ZP2: variants seen among roughly 807,000 people sequenced by gnomAD.
ZP2 encodes zona pellucida sperm-binding protein 2.
Under a neutral mutation model 84.0 loss-of-function variants are expected in ZP2, and 51 were observed. The ratio of observed to expected loss-of-function variants is 0.61; its 90% CI spans 0.49 to 0.77. The LOEUF (loss-of-function observed/expected upper bound fraction) is 0.77. ZP2 is among the 30% of genes least tolerant of loss of function. The probability of loss-of-function intolerance (pLI) is 0.00; values close to 1 mark genes in which losing one functional copy is unlikely to be tolerated. For synonymous variants in ZP2, 375 were observed against 330.9 expected (o/e 1.13, Z -1.45); for missense variants, 909 against 911.9 (o/e 1.00, Z 0.04).
Position 21,204,960 on chromosome 16 carries a change from A to G in ZP2, c.693+460T>C, listed in dbSNP as rs556953030. Among the ~76,000 whole-genome samples the G allele has an allele frequency of 2.0e-5, 3 of 152,316 alleles. No homozygotes were observed. The East Asian group carries it at 5.8e-4, about 29-fold the overall frequency. ...TGTGTTGTACTATAGATTTAAGACT[A>G]TGGGAAAGAGACTAGATTGAGGTAA... On this transcript the variant is annotated intron_variant, in intron 7 of 18. Coordinates refer to ENST00000574091, the MANE Select transcript of ZP2 (RefSeq NM_001376232.1).
In ZP2 at chr16:21,209,720, G is replaced by A; in HGVS notation, c.241C>T (p.Leu81Phe). 6.2e-7 allele frequency: 1 copy of A among 1,614,168 alleles called. No homozygotes were observed. The highest frequency in any genetic ancestry group is 2.2e-5 in the East Asian group (1 of 44,882). Residue 81 changes from leucine (L) to phenylalanine (F), a missense_variant, in exon 4 of 19, where the codon CTT (leucine) becomes TTT (phenylalanine). By Grantham distance (22) the Leu-to-Phe change is conservative (BLOSUM62 0). Coordinates refer to ENST00000574091, the MANE Select transcript of ZP2 (RefSeq NM_001376232.1). ...KKWHASVVDP[L>F]GLDMPNCTYI... ...GTGCAGTTCGGCATGTCGAGACCAA[G>A]AGGATCTGCCAAGGCCAGAGCAGGT... is the stretch of plus-strand genomic sequence containing the variant.
rs2093217523 is a variant in ZP2, at chr16:21,199,882, G to A, written c.1695-4C>T. 6.2e-7 allele frequency: 1 copy of A among 1,612,200 alleles called. No individual in the cohort carries two copies. ...GTTGTCCAGGTCATATGCACAGCTA[G>A]GAGGTATGCACCAGGGAGGGATGTC... On this transcript the variant is annotated splice_polypyrimidine_tract_variant and splice_region_variant and intron_variant, in intron 14 of 18. Coordinates refer to ENST00000574091, the MANE Select transcript of ZP2 (RefSeq NM_001376232.1).
At chr16:21,211,460 C>CT in intron 1 of ZP2, 26 bp downstream of exon 1, 1 of 1,614,048 alleles carries the variant, frequency 6.2e-7, no homozygotes, top group Non-Finnish European at 8.5e-7. Flanking sequence ...ACCATACCCC[C>CT]TCCCTCCACT....
intron 14 of ZP2, 107 bp downstream of exon 14, chr16:21,201,262 G>T: frequency 2.0e-6 from 2 of 994,194 alleles, no homozygotes; most frequent in Non-Finnish European, 2.8e-6. Context: ...ACTAAATCTG[G>T]ATCTCACATG....
At chr16:21,197,735 T>C in intron 18 of ZP2, 31 bp downstream of exon 18, 1 of 1,613,858 alleles carries the variant, frequency 6.2e-7, no homozygotes, top group African/African-American at 1.3e-5. Context: ...ACAGGCTTAT[T>C]TCAGAAGTTT....
chr16:21,206,686 G>T (rs1342721521), intron 5 of ZP2, 152 bp downstream of exon 5: 2 of 1,017,084 alleles, frequency 2.0e-6, no homozygotes, highest in African/African-American at 1.6e-5. Context: ...TGGAAACAAA[G>T]CCTCAGGGTA....
upstream of ZP2, chr16:21,214,110 G>A (rs2093283854): frequency 4.1e-6 from 2 of 485,262 alleles, no homozygotes; most frequent in Non-Finnish European, 2.7e-6. Context: ...CCAAATTTGG[G>A]GTTTCTAAAA....
At chr16:21,207,403 A>G (rs1030016771) in intron 4 of ZP2, among the ~76,000 whole-genome samples, 6 of 152,166 alleles carry the variant, frequency 3.9e-5, no homozygotes, top group Non-Finnish European at 8.8e-5. Flanking sequence ...GGGGTCAGCC[A>G]ACCTTTTTCC....
chr16:21,203,164 T>C lies in ZP2; in HGVS notation c.1060A>G (p.Ile354Val). Reference protein sequence around the residue: ...LLRPETVSMVIYPECLCESPV... With the variant: ...LLRPETVSMVVYPECLCESPV... ...GACTCACAGAGACACTCAGGATAGA[T>C]CACCATGGATACTGTCTCTGGCCGA... is the stretch of plus-strand genomic sequence containing the variant. The change falls in exon 10 of 19, where the codon ATC becomes GTC. Residue 354 changes from isoleucine (I) to valine (V), a missense_variant. Ile to Val is a conservative substitution (Grantham distance 29, BLOSUM62 3). Coordinates refer to ENST00000574091, the MANE Select transcript of ZP2 (RefSeq NM_001376232.1). 1 of 1,613,876 alleles carries C rather than the reference T, an allele frequency of 6.2e-7. No individual in the cohort carries two copies. Among genetic ancestry groups the C allele is most frequent in the Non-Finnish European group, 8.5e-7 (1 of 1,179,886 alleles).
chr16:21,202,313 G>A (rs1455085772), intron 10 of ZP2, 22 bp from the exon 11 acceptor site: 1 of 1,485,746 alleles, frequency 6.7e-7, no homozygotes, highest in East Asian at 2.4e-5. Flanking sequence ...TGAAAGTTTA[G>A]AGAAAATAAG....
At chr16:21,203,047 C>T (rs746373217) in intron 10 of ZP2, 78 bp downstream of exon 10, 21 of 1,526,780 alleles carry the variant, frequency 1.4e-5, no homozygotes, top group Middle Eastern at 2.0e-4. Flanking sequence ...CAGAATCTGA[C>T]CTTCTATACA....
At chr16:21,211,453 A>G (rs775160305) in intron 1 of ZP2, 33 bp downstream of exon 1, 3 of 1,613,778 alleles carry the variant, frequency 1.9e-6, no homozygotes, top group Non-Finnish European at 2.5e-6. Context: ...CAAAGCTACC[A>G]TACCCCCTCC....
chr16:21,214,215 T>G (rs971146361), upstream of ZP2: 29 of 984,728 alleles, frequency 2.9e-5, no homozygotes, highest in Non-Finnish European at 3.1e-5. Context: ...AGATTAATTT[T>G]GTTTGTCTCA....
intron 14 of ZP2, among the ~76,000 whole-genome samples, chr16:21,201,102 G>C (rs1226454737): frequency 2.0e-5 from 3 of 152,062 alleles, no homozygotes; most frequent in Non-Finnish European, 4.4e-5. Flanking sequence ...AGGAGGCTGA[G>C]GTAGGAGAAT....
intron 16 of ZP2, 25 bp from the exon 17 acceptor site, chr16:21,198,887 G>A (rs545848067): frequency 3.7e-6 from 6 of 1,606,980 alleles, no homozygotes; most frequent in East Asian, 4.5e-5. Context: ...TCAAGTTTGT[G>A]TTTGGCCTCT....
chr16:21,198,088 G>C (rs2093207862), intron 17 of ZP2: 2 of 397,906 alleles, frequency 5.0e-6, no homozygotes, highest in African/African-American at 2.3e-5. Flanking sequence ...AGAAATTCAA[G>C]AGGATTTTTT....
chr16:21,212,100 G>T (rs1361764111), upstream of ZP2, among the ~76,000 whole-genome samples: 1 of 152,062 alleles, frequency 6.6e-6, no homozygotes, highest in Non-Finnish European at 1.5e-5. Flanking sequence ...GCTAATTTTT[G>T]TATTTTGAGT....
rs755733475 is a variant in ZP2, at chr16:21,202,207, G to A, written c.1184C>T (p.Thr395Ile). 7 of 1,588,998 alleles carry A rather than the reference G, an allele frequency of 4.4e-6. No homozygotes were observed. In the African/African-American group the frequency reaches 5.5e-5, roughly 12 times the overall value. Residue 395 changes from threonine (T) to isoleucine (I), a missense_variant, in exon 11 of 19, where the codon ACT (threonine) becomes ATT (isoleucine). By Grantham distance (89) the Thr-to-Ile change is moderately conservative (BLOSUM62 -1). Coordinates refer to ENST00000574091, the MANE Select transcript of ZP2 (RefSeq NM_001376232.1). ...GCAGGATGAGTTTCCCACCCTCAGAGTACCCAGGTCAAGAGCTGGTTGTGT... is the reference window on the plus strand; with the variant it reads ...GCAGGATGAGTTTCCCACCCTCAGAATACCCAGGTCAAGAGCTGGTTGTGT... ...YQTQPALDLG[T>I]LRVGNSSCQP...
In ZP2 at chr16:21,211,364, G is replaced by A. The variant is rs759194870; in HGVS notation, c.94C>T (p.Leu32Phe). ...TCTATGGAGTTCCCTGAAGTCACAA[G>A]GGCGAAGAAGAGAGAAATCGACCTG... Reference protein sequence around the residue: ...TYRSISLFFALVTSGNSIDVS... With the variant: ...TYRSISLFFAFVTSGNSIDVS... The change falls in exon 2 of 19, where the codon CTT becomes TTT. Residue 32 changes from leucine to phenylalanine, a missense_variant. Coordinates refer to ENST00000574091, the MANE Select transcript of ZP2 (RefSeq NM_001376232.1). 2 of 1,614,052 alleles carry A rather than the reference G, an allele frequency of 1.2e-6. No individual in the cohort carries two copies. The highest frequency in any genetic ancestry group is 2.7e-5 in the African/African-American group (2 of 74,904).
Sources: gnomAD v4.1 joint callset for allele counts (sites outside exome capture counted in the v4.1 genomes callset) on GRCh38, gnomAD v4.1.1 for gene constraint, MANE v1.5 for transcripts, NCBI Gene and HGNC (gene_info 2026-07-23, HGNC 2026-07-21) for gene names.